SYNE2: variants seen among roughly 807,000 people sequenced by gnomAD.
The protein encoded by SYNE2 is nesprin-2.
SYNE2 carries 431 observed loss-of-function variants against 856.3 expected under a neutral mutation model. That is an observed-to-expected ratio of 0.50 (90% CI 0.47 to 0.55). The LOEUF (loss-of-function observed/expected upper bound fraction) is 0.55, where lower values mean the gene tolerates loss of function less well. Ranked by LOEUF, SYNE2 falls within the 20% of genes least tolerant of loss-of-function variation. The pLI is 0.00. For missense variants in SYNE2, 8,129 were observed against 8,023.2 expected (o/e 1.01, Z -0.50); for synonymous variants, 2,923 against 2,872.3 (o/e 1.02, Z -0.56).
At position 64,053,077 on chromosome 14, in the gene SYNE2, T is replaced by C. The variant is rs1253678317; in HGVS notation, c.9164T>C (p.Met3055Thr). The change falls in exon 48 of 116, where the codon ATG becomes ACG. Residue 3055 changes from methionine to threonine, a missense_variant. Met to Thr is a moderately conservative substitution (Grantham distance 81). This residue lies in a region of SYNE2 where 5,410 missense variants were observed against 5,284.8 expected (regional missense o/e 1.02). Transcript: ENST00000555002. ...AAATATCAGGCATTATTAAGTAAAA[T>C]GAGAGCTATTGATTTGCAAATTAAG... ...HGKYQALLSK[M>T]RAIDLQIKKM... The C allele has an allele frequency of 6.2e-7, 1 of 1,614,112 alleles. No homozygotes were observed. Among genetic ancestry groups the C allele is most frequent in the Non-Finnish European group, 8.5e-7 (1 of 1,180,020 alleles).
At chr14:64,018,478 G>A (rs904575098) in intron 34 of SYNE2, among the ~76,000 whole-genome samples, 1 of 152,096 alleles carries the variant, frequency 6.6e-6, no homozygotes, top group Non-Finnish European at 1.5e-5. Flanking sequence ...TCCTGACCTC[G>A]TGATCCGCCC....
chr14:64,182,839 C>T lies in SYNE2; in HGVS notation c.17557-3585C>T, dbSNP rs1234894629. Among the ~76,000 whole-genome samples the T allele has an allele frequency of 2.6e-5, 4 of 152,362 alleles. No individual in the cohort carries two copies. In the South Asian group the frequency reaches 8.3e-4, roughly 32 times the overall value. On this transcript the variant is annotated intron_variant, in intron 96 of 115. Coordinates refer to ENST00000555002, the MANE Select transcript of SYNE2 (RefSeq NM_182914.3). Reference sequence around the variant, plus strand: ...TTCTCTATCTTTTCCCCACATTTCCCCCTTTTCTATTTGACAAAACCGCCA... The same window carrying T: ...TTCTCTATCTTTTCCCCACATTTCCTCCTTTTCTATTTGACAAAACCGCCA...
At chr14:63,877,423 C>A (rs2094750004) in intron 1 of SYNE2, among the ~76,000 whole-genome samples, 1 of 152,124 alleles carries the variant, frequency 6.6e-6, no homozygotes, top group African/African-American at 2.4e-5. Context: ...CAATTTGTAC[C>A]AACAGGAGAT....
chr14:64,164,131 G>T, intron 89 of SYNE2, among the ~76,000 whole-genome samples: 1 of 108,672 alleles, frequency 9.2e-6, no homozygotes, highest in African/African-American at 3.9e-5. Flanking sequence ...TATTTATTTT[G>T]AGATGTCTCG....
intron 84 of SYNE2, among the ~76,000 whole-genome samples, chr14:64,148,793 G>C (rs904665087): frequency 1.3e-5 from 2 of 152,142 alleles, no homozygotes; most frequent in African/African-American, 4.8e-5. Flanking sequence ...GTCAGAGACT[G>C]TACTGGGCTC....
rs200037313 is a variant in SYNE2, at chr14:63,961,519, T to C, written c.788-6T>C. 7.5e-6 allele frequency: 12 copies of C among 1,609,326 alleles called. No individual in the cohort carries two copies. In the Admixed American group the frequency reaches 1.7e-4, roughly 22 times the overall value. On this transcript the variant is annotated splice_region_variant and splice_polypyrimidine_tract_variant and intron_variant, in intron 8 of 115. Transcript: ENST00000555002. ...CAGCTAATTGATAGTGTGGTGTATCTTGCAGATGTGGATGTTGTTGATCCT... is the reference window on the plus strand; with the variant it reads ...CAGCTAATTGATAGTGTGGTGTATCCTGCAGATGTGGATGTTGTTGATCCT...
At chr14:63,777,676 T>C (rs1887160044) in intron 1 of SYNE2, among the ~76,000 whole-genome samples, 1 of 152,142 alleles carries the variant, frequency 6.6e-6, no homozygotes, top group African/African-American at 2.4e-5. Flanking sequence ...ACAATAATAA[T>C]ATATATTTTA....
chr14:64,100,305 G>C (rs2097710769), intron 63 of SYNE2: 1 of 151,458 alleles, frequency 6.6e-6, no homozygotes, highest in African/African-American at 2.4e-5. Context: ...ACATGAAGGG[G>C]AACATCAAGC....
At chr14:63,799,735 CAAAAA>C (rs941061494) in intron 1 of SYNE2, among the ~76,000 whole-genome samples, 9 of 152,050 alleles carry the variant, frequency 5.9e-5, no homozygotes, top group African/African-American at 2.2e-4. Flanking sequence ...TTCTAATTGA[CAAAAA>C]CAAAAATGTT....
exon 1 of SYNE2, chr14:63,761,925 G>T (rs950132586): frequency 3.8e-5 from 10 of 262,736 alleles, no homozygotes; most frequent in Middle Eastern, 1.1e-3. Context: ...GACCAGAGTA[G>T]CGACCCGCGG....
intron 97 of SYNE2, among the ~76,000 whole-genome samples, chr14:64,187,274 A>G (rs564866247): frequency 1.3e-5 from 2 of 152,342 alleles, no homozygotes; most frequent in South Asian, 2.1e-4. Context: ...TTTGTGAATT[A>G]AGAGATGTAT....
At position 64,098,762 on chromosome 14, in the gene SYNE2, T is replaced by TC; in HGVS notation, c.12324dup (p.Met4109HisfsTer20). ...TGCCTTTCAGTTGAACAGAAGAGGC[T>TC]CCATGTCTTACCTGGCAGCAGTCGA... On this transcript the variant is annotated frameshift_variant, in exon 63 of 116. Coordinates refer to ENST00000555002, the MANE Select transcript of SYNE2 (RefSeq NM_182914.3). LOFTEE classifies it high-confidence loss of function. The TC allele has an allele frequency of 6.2e-7, 1 of 1,614,058 alleles. No individual in the cohort carries two copies. Among genetic ancestry groups the TC allele is most frequent in the Non-Finnish European group, 8.5e-7 (1 of 1,180,016 alleles).
At chr14:63,859,044 C>T (rs189797690) in intron 1 of SYNE2, among the ~76,000 whole-genome samples, 1 of 152,270 alleles carries the variant, frequency 6.6e-6, no homozygotes, top group East Asian at 1.9e-4. Flanking sequence ...ATGCCAGGAA[C>T]ATTTGGTAAT....
intron 1 of SYNE2, among the ~76,000 whole-genome samples, chr14:63,834,684 A>G (rs1889787401): frequency 7.0e-6 from 1 of 141,848 alleles, no homozygotes; most frequent in African/African-American, 2.6e-5. Context: ...CTCTGTTGCC[A>G]GGCTGGAGTG....
At chr14:64,190,610 A>G (rs1266090820) in intron 99 of SYNE2, 2 of 702,102 alleles carry the variant, frequency 2.8e-6, no homozygotes, top group Non-Finnish European at 5.2e-6. Context: ...AGTATGGCAG[A>G]TCAGGTAAGG....
At chr14:63,859,881 C>T (rs1458337726) in intron 1 of SYNE2, among the ~76,000 whole-genome samples, 1 of 152,000 alleles carries the variant, frequency 6.6e-6, no homozygotes, top group African/African-American at 2.4e-5. Context: ...GGAGTGGACT[C>T]CACTCCTTTC....
intron 1 of SYNE2, among the ~76,000 whole-genome samples, chr14:63,860,213 G>C (rs953240665): frequency 1.3e-5 from 2 of 148,336 alleles, no homozygotes; most frequent in African/African-American, 5.3e-5. Context: ...GACCATTGCT[G>C]TTATAGAAAC....
chr14:64,110,568 C>A (rs371208885), intron 65 of SYNE2, among the ~76,000 whole-genome samples: 3 of 136,092 alleles, frequency 2.2e-5, no homozygotes, highest in East Asian at 4.7e-4. Context: ...ATAAGAAATA[C>A]TTATAGTAAT....
chr14:64,196,747 G>A (rs941941537), intron 99 of SYNE2: 7 of 152,236 alleles, frequency 4.6e-5, no homozygotes, highest in African/African-American at 1.7e-4. Context: ...CAAGATAACA[G>A]TGTGACTTTC....
Sources: allele counts gnomAD v4.1 joint callset (sites outside exome capture counted in the v4.1 genomes callset), GRCh38; gene constraint gnomAD v4.1.1; regional missense constraint gnomAD v4.1.1; transcripts MANE v1.5; gene names NCBI Gene and HGNC (gene_info 2026-07-23, HGNC 2026-07-21).